Variants in CDC42SE2 observed in about 807,000 individuals in gnomAD.
CDC42SE2 encodes the protein CDC42 small effector protein 2.
CDC42SE2 carries 3 observed loss-of-function variants against 11.5 expected under a neutral mutation model. The ratio of observed to expected loss-of-function variants is 0.26; its 90% CI spans 0.12 to 0.67. The LOEUF (loss-of-function observed/expected upper bound fraction) is 0.67. CDC42SE2 is among the 30% of genes least tolerant of loss of function. CDC42SE2 has a pLI of 0.80. For synonymous variants in CDC42SE2, 33 were observed against 34.8 expected, an observed-to-expected ratio of 0.95 and a Z score of 0.18; for missense variants, 82 against 106.8, an observed-to-expected ratio of 0.77 and a Z score of 1.02.
At chr5:131,279,201 A>T (rs914555665) in intron 1 of CDC42SE2, among the ~76,000 whole-genome samples, 8 of 152,136 alleles carry the variant, frequency 5.3e-5, no homozygotes, top group Admixed American at 2.0e-4. Context: ...TTTCAAAGTT[A>T]TGTTCTCTTT....
intron 3 of CDC42SE2, among the ~76,000 whole-genome samples, chr5:131,367,993 C>T (rs1468632770): frequency 6.6e-6 from 1 of 152,118 alleles, no homozygotes; most frequent in Non-Finnish European, 1.5e-5. Flanking sequence ...GTGGCTCACA[C>T]CTGTAATCCC....
At chr5:131,229,301 C>T in the CDC42SE2 span, among the ~76,000 whole-genome samples, 59 of 152,200 alleles carry the variant, frequency 3.9e-4, 1 homozygote, top group African/African-American at 1.3e-3. Flanking sequence ...AGGCATGAGC[C>T]GCTGCACCCA....
intron 3 of CDC42SE2, among the ~76,000 whole-genome samples, chr5:131,366,218 C>T (rs1181297190): frequency 6.6e-6 from 1 of 152,150 alleles, no homozygotes; most frequent in African/African-American, 2.4e-5. Context: ...CTCTTCAGCT[C>T]CTTTAATATA....
upstream of CDC42SE2, chr5:131,263,820 G>C (rs1392817136): frequency 6.6e-6 from 1 of 152,246 alleles, no homozygotes; most frequent in African/African-American, 2.4e-5. Flanking sequence ...GCGTCCGTTA[G>C]CTACAGAGGC....
At chr5:131,378,144 G>T (rs114283020) in intron 3 of CDC42SE2, among the ~76,000 whole-genome samples, 2 of 152,174 alleles carry the variant, frequency 1.3e-5, no homozygotes, top group South Asian at 4.1e-4. Context: ...GCCTCAACTC[G>T]GAATGTTTAT....
chr5:131,248,328 C>T (rs530252440), intron 1 of CDC42SE2, among the ~76,000 whole-genome samples: 4 of 151,846 alleles, frequency 2.6e-5, no homozygotes, highest in Admixed American at 1.3e-4. Flanking sequence ...TTAGTAGAGA[C>T]GGGGTTTCAC....
rs202042579 is a variant in CDC42SE2 at position 131,359,465 on chromosome 5, T to C, written c.-29T>C. The C allele has an allele frequency of 8.2e-5, 131 of 1,592,814 alleles. No individual in the cohort carries two copies. In the East Asian group the frequency reaches 2.7e-3, roughly 33 times the overall value. On this transcript the variant is annotated 5_prime_UTR_variant, in exon 3 of 5. Coordinates refer to ENST00000505065, the MANE Select transcript of CDC42SE2 (RefSeq NM_001375635.1). Reference sequence around the variant, plus strand: ...CCCGAGTTGAGATTTGGAACCTTCATTGGTGCTCATTTACTGTGGACTGTA... The same window carrying C: ...CCCGAGTTGAGATTTGGAACCTTCACTGGTGCTCATTTACTGTGGACTGTA...
At chr5:131,223,485 C>T in the CDC42SE2 span, among the ~76,000 whole-genome samples, 27 of 152,272 alleles carry the variant, frequency 1.8e-4, no homozygotes, top group Non-Finnish European at 2.8e-4. Flanking sequence ...ATGCGATTTT[C>T]TACATAAAAT....
intron 3 of CDC42SE2, among the ~76,000 whole-genome samples, chr5:131,373,794 A>G (rs1481546391): frequency 6.6e-6 from 1 of 152,210 alleles, no homozygotes; most frequent in Non-Finnish European, 1.5e-5. Context: ...CATGCCTACA[A>G]AGGAAGCGAG....
chr5:131,256,640 T>C (rs2149684900), intron 2 of CDC42SE2, among the ~76,000 whole-genome samples: 1 of 152,292 alleles, frequency 6.6e-6, no homozygotes, highest in East Asian at 1.9e-4. Context: ...TAGAATTCAG[T>C]TCCTTGAGGG....
chr5:131,239,618 C>T, the CDC42SE2 span, among the ~76,000 whole-genome samples: 1 of 152,072 alleles, frequency 6.6e-6, no homozygotes, highest in Non-Finnish European at 1.5e-5. Context: ...AATTCATGGA[C>T]CACTGTTGAA....
chr5:131,305,370 T>G lies in CDC42SE2; in HGVS notation c.-454-10606T>G, dbSNP rs1204249901. 5.3e-5 allele frequency among the ~76,000 whole-genome samples: 8 copies of G among 152,284 alleles called. No individual in the cohort carries two copies. The South Asian group carries it at 1.2e-3, about 24-fold the overall frequency. On this transcript the variant is annotated intron_variant, in intron 1 of 4. Transcript: ENST00000505065. ...GGGCAGCACTCAGAACCAGAAAAGG[T>G]TCAGAGAGCTCTGCTGTGCAACCTG...
chr5:131,375,775 A>G (rs1480240903), intron 3 of CDC42SE2, among the ~76,000 whole-genome samples: 1 of 152,256 alleles, frequency 6.6e-6, no homozygotes, highest in East Asian at 1.9e-4. Flanking sequence ...TCTCTGCAGT[A>G]TCTAAAACCT....
intron 1 of CDC42SE2, among the ~76,000 whole-genome samples, chr5:131,254,068 G>T (rs1756661051): frequency 1.3e-5 from 2 of 152,194 alleles, no homozygotes. Context: ...AAGTTCTAGG[G>T]TACATGTGCA....
At chr5:131,259,724 G>A (rs976636527), upstream of CDC42SE2, among the ~76,000 whole-genome samples, 1 of 152,160 alleles carries the variant, frequency 6.6e-6, no homozygotes, top group Non-Finnish European at 1.5e-5. Context: ...TCTTAAGCCA[G>A]GACAAGAGAT....
chr5:131,337,769 A>G (rs1269222736), intron 2 of CDC42SE2, among the ~76,000 whole-genome samples: 2 of 152,212 alleles, frequency 1.3e-5, no homozygotes, highest in African/African-American at 2.4e-5. Flanking sequence ...CCTCTGAGCC[A>G]TGTGTGGGAT....
In CDC42SE2 at chr5:131,268,086, C is replaced by T. The variant is rs569369054; in HGVS notation, c.-455+3920C>T. On this transcript the variant is annotated intron_variant, in intron 1 of 4. Coordinates refer to ENST00000505065, the MANE Select transcript of CDC42SE2 (RefSeq NM_001375635.1). ...TTTTTTTTTTTTTTTTTTTTTGAGA[C>T]GGAGTCTTGCTTTGCCCCCAGGCTG... 2.1e-4 allele frequency among the ~76,000 whole-genome samples: 18 copies of T among 86,070 alleles called. No individual in the cohort carries two copies. In the East Asian group the frequency reaches 5.7e-3, roughly 27 times the overall value. 56.5% of individuals were successfully genotyped at this position (86,070 alleles called of 152,430 possible).
At chr5:131,371,240 T>A (rs1354361401) in intron 3 of CDC42SE2, among the ~76,000 whole-genome samples, 1 of 152,194 alleles carries the variant, frequency 6.6e-6, no homozygotes, top group African/African-American at 2.4e-5. Context: ...TCAGTTTTCA[T>A]CCTCTCAAAC....
At chr5:131,246,255 A>C (rs1756581454) in intron 1 of CDC42SE2, among the ~76,000 whole-genome samples, 2 of 152,166 alleles carry the variant, frequency 1.3e-5, no homozygotes, top group Admixed American at 6.5e-5. Flanking sequence ...CAGGAGTTCA[A>C]GACCAGCCTG....
Sources: allele counts gnomAD v4.1 joint callset (sites outside exome capture counted in the v4.1 genomes callset), GRCh38; gene constraint gnomAD v4.1.1; transcripts MANE v1.5; gene names NCBI Gene and HGNC (gene_info 2026-07-23, HGNC 2026-07-21).